Variants in ACP2 observed in about 807,000 individuals in gnomAD.
ACP2 encodes the protein acid phosphatase 2, lysosomal, also known as lysosomal acid phosphatase.
Under a neutral mutation model 54.7 loss-of-function variants are expected in ACP2, and 35 were observed. The ratio of observed to expected loss-of-function variants is 0.64; its 90% CI spans 0.49 to 0.85. The LOEUF is 0.85. ACP2 is among the 40% of genes least tolerant of loss of function. The probability of loss-of-function intolerance (pLI) is 0.00; values close to 1 mark genes in which losing one functional copy is unlikely to be tolerated. For missense variants in ACP2, 492 were observed against 565.0 expected (o/e 0.87, Z 1.31); for synonymous variants, 210 against 224.4 (o/e 0.94, Z 0.57).
chr11:47,242,264 G>A (rs1953900766), intron 10 of ACP2, among the ~76,000 whole-genome samples: 1 of 152,214 alleles, frequency 6.6e-6, no homozygotes, highest in Admixed American at 6.5e-5. Flanking sequence ...AAGTGGTGAG[G>A]AAGCAGAGCC....
At chr11:47,248,311 A>C in intron 1 of ACP2, 178 bp from the exon 2 acceptor site, 1 of 1,044,972 alleles carries the variant, frequency 9.6e-7, no homozygotes, top group Non-Finnish European at 1.4e-6. Flanking sequence ...ATTCTAACTT[A>C]GCTAAGCAAT....
rs766547026 is a variant in ACP2 at position 47,248,651 on chromosome 11, C to A, written c.114+25G>T. The A allele has an allele frequency of 1.8e-5, 29 of 1,597,706 alleles. No individual in the cohort carries two copies. In the South Asian group the frequency reaches 2.8e-4, roughly 16 times the overall value. On this transcript the variant is annotated intron_variant, in intron 1 of 10. Coordinates refer to ENST00000672073, the MANE Select transcript of ACP2 (RefSeq NM_001610.4). ...TTTGCCCTTTTAGCTTCAGGGAAGT[C>A]TTTGGTGAGCCCATCTCTCATTACC...
intron 10 of ACP2, among the ~76,000 whole-genome samples, chr11:47,241,126 G>A (rs909273135): frequency 1.3e-5 from 2 of 152,260 alleles, no homozygotes; most frequent in Admixed American, 6.5e-5. Flanking sequence ...GTAGGGCCTA[G>A]AAGGCCATGG....
In ACP2 at chr11:47,247,787, G is replaced by T. The variant is rs1954240746; in HGVS notation, c.211-60C>A. On this transcript the variant is annotated intron_variant, in intron 2 of 10. Coordinates refer to ENST00000672073, the MANE Select transcript of ACP2 (RefSeq NM_001610.4). Reference sequence around the variant, plus strand: ...GGGAAGGGGTGGCTTCAAGCCCCATGGGGTTTAGGCCCTGTTGCTTTCCAG... The same window carrying T: ...GGGAAGGGGTGGCTTCAAGCCCCATTGGGTTTAGGCCCTGTTGCTTTCCAG... The T allele has an allele frequency of 2.6e-6, 4 of 1,536,546 alleles. No homozygotes were observed. In the South Asian group the frequency reaches 3.5e-5, roughly 13 times the overall value.
At position 47,240,148 on chromosome 11, in the gene ACP2, G is replaced by A. The variant is rs576364200; in HGVS notation, c.1240C>T (p.Arg414Cys). The A allele has an allele frequency of 1.2e-5, 19 of 1,614,078 alleles. No individual in the cohort carries two copies. Among genetic ancestry groups the A allele is most frequent in the African/African-American group, 5.3e-5 (4 of 75,054 alleles). Residue 414 changes from arginine (R) to cysteine (C), a missense_variant, in exon 11 of 11, where the codon CGC becomes TGC. By Grantham distance (180) the Arg-to-Cys change is radical (BLOSUM62 -3). Coordinates refer to ENST00000672073, the MANE Select transcript of ACP2 (RefSeq NM_001610.4). ...TGGTCCTCCCCATCTGCGACGTGGCGGTAGCCAGGAGGCTGGGCCTGCATC... is the reference window on the plus strand; with the variant it reads ...TGGTCCTCCCCATCTGCGACGTGGCAGTAGCCAGGAGGCTGGGCCTGCATC... ...FRMQAQPPGY[R>C]HVADGEDHA
At position 47,245,775 on chromosome 11, in the gene ACP2, A is replaced by G. The variant is rs906156060; in HGVS notation, c.357T>C (p.Ala119=). The G allele has an allele frequency of 1.2e-6, 2 of 1,612,144 alleles. No individual in the cohort carries two copies. Among genetic ancestry groups the G allele is most frequent in the African/African-American group, 2.7e-5 (2 of 75,028 alleles). The change falls in exon 4 of 11, where the codon GCT becomes GCC. Residue 119 remains alanine (A), a synonymous_variant. Coordinates refer to ENST00000672073, the MANE Select transcript of ACP2 (RefSeq NM_001610.4). The part of the protein sequence containing the change: ...RTLMSAEANL[A]GLFPPNGMQR... ...GCATCCCGTTGGGAGGGAAGAGTCCAGCCAGGTTGGCCTCAGCACTCATGA... is the reference window on the plus strand; with the variant it reads ...GCATCCCGTTGGGAGGGAAGAGTCCGGCCAGGTTGGCCTCAGCACTCATGA...
chr11:47,244,671 ACAG>A, intron 7 of ACP2, 61 bp downstream of exon 7: 1 of 1,351,348 alleles, frequency 7.4e-7, no homozygotes. Context: ...AGAAGCCCCC[ACAG>A]CAGATTTTTA....
At chr11:47,248,596 C>T in intron 1 of ACP2, 80 bp downstream of exon 1, 1 of 1,553,640 alleles carries the variant, frequency 6.4e-7, no homozygotes, top group Non-Finnish European at 8.7e-7. Context: ...GCTGTTCCTT[C>T]CCGAGATCCT....
Position 47,241,245 on chromosome 11 carries a change from C to T in ACP2, c.1139-996G>A, listed in dbSNP as rs142841272. On this transcript the variant is annotated intron_variant, in intron 10 of 10. Coordinates refer to ENST00000672073, the MANE Select transcript of ACP2 (RefSeq NM_001610.4). ...TTTTAAAAGTTAACTCAGTCGGCCG[C>T]GGTGGCTCATGCCTGTAATCCCAGC... Among the ~76,000 whole-genome samples the T allele has an allele frequency of 2.8e-4, 42 of 152,324 alleles. No homozygotes were observed. The East Asian group carries it at 7.1e-3, about 26-fold the overall frequency.
intron 3 of ACP2, among the ~76,000 whole-genome samples, chr11:47,247,096 C>T (rs1954151099): frequency 6.6e-6 from 1 of 152,118 alleles, no homozygotes. Context: ...GGCACACTCA[C>T]CAGTCCTCCC....
rs1300759990 is a variant in ACP2 at position 47,243,280 on chromosome 11, C to T, written c.814G>A (p.Ala272Thr). The T allele has an allele frequency of 1.1e-5, 18 of 1,614,084 alleles. No homozygotes were observed. The highest frequency in any genetic ancestry group is 1.4e-5 in the Non-Finnish European group (17 of 1,180,038). The change falls in exon 8 of 11, where the codon GCG becomes ACG. Residue 272 changes from alanine (A) to threonine (T), a missense_variant. Transcript: ENST00000672073. ...AQIRKNLTLM[A>T]TTSQLPKLLV... ...AGCTTGGGGAGCTGGGAGGTGGTCG[C>T]CATTAGGGTCAGGTTCTTCCTTATC... is the stretch of plus-strand genomic sequence containing the variant.
In ACP2 at chr11:47,244,784, G is replaced by A. The variant is rs747325602; in HGVS notation, c.723C>T (p.Arg241=). 1 of 1,613,194 alleles carries A rather than the reference G, an allele frequency of 6.2e-7. No individual in the cohort carries two copies. The highest frequency in any genetic ancestry group is 2.2e-5 in the East Asian group (1 of 44,854). The change falls in exon 7 of 11, where the codon CGC becomes CGT. Residue 241 remains arginine (R), a synonymous_variant. Transcript: ENST00000672073. ...RLSRLKDFSF[R]FLFGIYQQAE... ...CCTGCTGGTAGATTCCGAAGAGGAAGCGGAAGCTGAAGTCCTTTAGCCGGC... is the reference window on the plus strand; with the variant it reads ...CCTGCTGGTAGATTCCGAAGAGGAAACGGAAGCTGAAGTCCTTTAGCCGGC...
chr11:47,240,585 C>T (rs1953847439), intron 10 of ACP2, among the ~76,000 whole-genome samples: 1 of 151,754 alleles, frequency 6.6e-6, no homozygotes, highest in East Asian at 1.9e-4. Flanking sequence ...TTTGGGAGGC[C>T]GAGGTGGGTG....
chr11:47,247,552 A>G, intron 3 of ACP2, 89 bp downstream of exon 3: 1 of 1,467,590 alleles, frequency 6.8e-7, no homozygotes, highest in African/African-American at 1.4e-5. Flanking sequence ...AGGAGGCCAA[A>G]GTGCCCAGCC....
intron 1 of ACP2, chr11:47,248,457 C>A: frequency 6.5e-7 from 1 of 1,545,558 alleles, no homozygotes; most frequent in South Asian, 1.2e-5. Flanking sequence ...AACCATTCAA[C>A]CACTTCCCTG....
Position 47,248,109 on chromosome 11 carries a change from GTGAA to G in ACP2, c.135_138del (p.Ser46GlnfsTer2). Reference sequence around the variant, plus strand: ...GGGTCCTTGGGATATGTCTTCACTGGTGAACGGTCTCCATGGCGGTACAGCTGAG... The same window carrying G: ...GGGTCCTTGGGATATGTCTTCACTGGCGGTCTCCATGGCGGTACAGCTGAG... On this transcript the variant is annotated frameshift_variant, in exon 2 of 11. Coordinates refer to ENST00000672073, the MANE Select transcript of ACP2 (RefSeq NM_001610.4). LOFTEE classifies it high-confidence loss of function. 1.2e-6 allele frequency: 2 copies of G among 1,611,210 alleles called. No homozygotes were observed. Among genetic ancestry groups the G allele is most frequent in the Non-Finnish European group, 1.7e-6 (2 of 1,179,158 alleles).
At chr11:47,241,882 C>T (rs1412371817) in intron 10 of ACP2, among the ~76,000 whole-genome samples, 1 of 152,162 alleles carries the variant, frequency 6.6e-6, no homozygotes, top group African/African-American at 2.4e-5. Context: ...CTCAAGTTGG[C>T]AGCTGGATAT....
Position 47,239,875 on chromosome 11 carries a change from A to C in ACP2, c.*241T>G, listed in dbSNP as rs1239429840. On this transcript the variant is annotated 3_prime_UTR_variant, in exon 11 of 11. Transcript: ENST00000672073. ...CTCAGGTGTGTAGGGAGCGTGGAGGAGGCAAATCCTGTTTGGAGAAAGCCA... is the reference window on the plus strand; with the variant it reads ...CTCAGGTGTGTAGGGAGCGTGGAGGCGGCAAATCCTGTTTGGAGAAAGCCA... 4 of 515,082 alleles carry C rather than the reference A, an allele frequency of 7.8e-6. No individual in the cohort carries two copies. The highest frequency in any genetic ancestry group is 1.4e-5 in the Non-Finnish European group (4 of 289,030). The allele number at this position is 515,082 out of a possible 1,614,324, so 31.9% of individuals were successfully genotyped here.
Position 47,245,347 on chromosome 11 carries a change from T to C in ACP2, c.597A>G (p.Thr199=). The change falls in exon 6 of 11, where the codon ACA becomes ACG. Residue 199 remains threonine, a synonymous_variant. Coordinates refer to ENST00000672073, the MANE Select transcript of ACP2 (RefSeq NM_001610.4). ...CATAGACATTCCAGACGGTCTCCAG[T>C]GTCAGGTCTGTAAGCCCTGTCTCGT... ...VANETGLTDL[T]LETVWNVYDT... 6.2e-7 allele frequency: 1 copy of C among 1,614,096 alleles called. No individual in the cohort carries two copies. Among genetic ancestry groups the C allele is most frequent in the Non-Finnish European group, 8.5e-7 (1 of 1,180,014 alleles).
Sources: allele counts gnomAD v4.1 joint callset (sites outside exome capture counted in the v4.1 genomes callset), GRCh38; gene constraint gnomAD v4.1.1; transcripts MANE v1.5; gene names NCBI Gene and HGNC (gene_info 2026-07-23, HGNC 2026-07-21).